PDE4D: variants seen among roughly 807,000 people sequenced by gnomAD.
PDE4D encodes phosphodiesterase 4D.
In PDE4D, 24 loss-of-function variants were observed where a neutral mutation model predicts 87.4. The observed-to-expected ratio is 0.27, with a 90% CI of 0.20 to 0.39. PDE4D has a LOEUF of 0.39. PDE4D is among the 10% of genes least tolerant of loss of function. PDE4D has a pLI of 1.00. For synonymous variants in PDE4D, 384 were observed against 383.2 expected, an observed-to-expected ratio of 1.00 and a Z score of -0.02; for missense variants, 714 against 1,041.0, an observed-to-expected ratio of 0.69 and a Z score of 4.32.
At chr5:59,131,016 G>C (rs752559937) in intron 5 of PDE4D, among the ~76,000 whole-genome samples, 2 of 152,194 alleles carry the variant, frequency 1.3e-5, no homozygotes, top group Non-Finnish European at 2.9e-5. Context: ...CTGTTAGCCT[G>C]AGGAAGGGGT....
At chr5:60,481,023 T>C (rs749940213) in intron 1 of PDE4D, among the ~76,000 whole-genome samples, 1 of 152,174 alleles carries the variant, frequency 6.6e-6, no homozygotes, top group Non-Finnish European at 1.5e-5. Flanking sequence ...CAGATAAATA[T>C]GAGAATGTGA....
intron 1 of PDE4D, among the ~76,000 whole-genome samples, chr5:59,551,285 T>C (rs1818069160): frequency 6.7e-6 from 1 of 149,378 alleles, no homozygotes; most frequent in Admixed American, 6.7e-5. Context: ...TAAAATTATA[T>C]ATTATATATT....
intron 1 of PDE4D, among the ~76,000 whole-genome samples, chr5:59,302,446 T>C (rs1345149359): frequency 1.3e-5 from 2 of 152,206 alleles, no homozygotes; most frequent in Non-Finnish European, 2.9e-5. Context: ...AGTTCTTTAG[T>C]GGTGATTTGT....
At chr5:59,201,812 A>G (rs1266656524) in intron 2 of PDE4D, among the ~76,000 whole-genome samples, 1 of 152,158 alleles carries the variant, frequency 6.6e-6, no homozygotes, top group African/African-American at 2.4e-5. Context: ...ATTTAACACA[A>G]AAACTTGTAT....
chr5:60,204,984 T>C (rs554446014), intron 1 of PDE4D, among the ~76,000 whole-genome samples: 4 of 152,296 alleles, frequency 2.6e-5, no homozygotes, highest in Non-Finnish European at 5.9e-5. Flanking sequence ...GTGTTAGCTA[T>C]CTTTATTATT....
chr5:60,363,023 G>T (rs1355095349), intron 1 of PDE4D, among the ~76,000 whole-genome samples: 1 of 152,116 alleles, frequency 6.6e-6, no homozygotes, highest in South Asian at 2.1e-4. Context: ...ATCACCGGTT[G>T]CTTATCACCT....
At chr5:60,015,937 G>A (rs1231142618) in intron 2 of PDE4D, among the ~76,000 whole-genome samples, 1 of 151,132 alleles carries the variant, frequency 6.6e-6, no homozygotes, top group African/African-American at 2.4e-5. Context: ...ACCCAGGCTG[G>A]AGTGCAGTGG....
intron 2 of PDE4D, among the ~76,000 whole-genome samples, chr5:59,194,634 G>A (rs1157126701): frequency 1.3e-5 from 2 of 152,118 alleles, no homozygotes; most frequent in Non-Finnish European, 2.9e-5. Context: ...CAATGTAAAG[G>A]AAGCATGTGT....
At chr5:59,501,720 A>T (rs1051203725) in intron 1 of PDE4D, among the ~76,000 whole-genome samples, 2 of 152,204 alleles carry the variant, frequency 1.3e-5, no homozygotes, top group African/African-American at 2.4e-5. Flanking sequence ...AAATCAGCAC[A>T]GTATGGTGAT....
chr5:60,051,972 C>A (rs1234215809), intron 2 of PDE4D, among the ~76,000 whole-genome samples: 1 of 152,124 alleles, frequency 6.6e-6, no homozygotes, highest in Non-Finnish European at 1.5e-5. Context: ...ACACATACAC[C>A]CTTTCAAGAC....
In PDE4D at chr5:59,354,932, A is replaced by C. The variant is rs184839017; in HGVS notation, c.456-138964T>G. Among the ~76,000 whole-genome samples the C allele has an allele frequency of 5.5e-3, 836 of 152,340 alleles. 5 individuals are homozygous for C. The highest frequency in any genetic ancestry group is 0.01 in the Middle Eastern group (3 of 294). On this transcript the variant is annotated intron_variant, in intron 1 of 14. Coordinates refer to ENST00000340635, the MANE Select transcript of PDE4D (RefSeq NM_001104631.2). ...AACAGTGAAAGCAGCACATATAAAAAAATTAATTATTCTGTGGGAAATTGT... is the reference window on the plus strand; with the variant it reads ...AACAGTGAAAGCAGCACATATAAAACAATTAATTATTCTGTGGGAAATTGT...
intron 1 of PDE4D, among the ~76,000 whole-genome samples, chr5:59,450,222 G>A (rs530894006): frequency 1.1e-4 from 17 of 152,318 alleles, no homozygotes; most frequent in South Asian, 8.3e-4. Context: ...TACACTTAGC[G>A]TGAAAGCAAA....
At chr5:59,470,563 G>C (rs1336707179) in intron 1 of PDE4D, among the ~76,000 whole-genome samples, 1 of 152,144 alleles carries the variant, frequency 6.6e-6, no homozygotes, top group Non-Finnish European at 1.5e-5. Flanking sequence ...CCATAAACCT[G>C]AGTTGACTAA....
chr5:60,328,907 A>G (rs146259865), intron 1 of PDE4D, among the ~76,000 whole-genome samples: 1 of 152,230 alleles, frequency 6.6e-6, no homozygotes, highest in East Asian at 1.9e-4. Flanking sequence ...GCCAGGAGAA[A>G]AGAAACATTC....
intron 1 of PDE4D, among the ~76,000 whole-genome samples, chr5:59,324,953 G>C (rs1179835526): frequency 1.3e-5 from 2 of 152,082 alleles, no homozygotes; most frequent in Admixed American, 1.3e-4. Context: ...GTAATTAATA[G>C]GGAAAACTTT....
intron 2 of PDE4D, among the ~76,000 whole-genome samples, chr5:60,079,876 T>C (rs1257975561): frequency 2.6e-5 from 4 of 152,208 alleles, no homozygotes; most frequent in Non-Finnish European, 4.4e-5. Context: ...TTTGAATCCA[T>C]ATGAAACTTA....
At chr5:59,769,926 G>GC (rs1561634067) in intron 1 of PDE4D, among the ~76,000 whole-genome samples, 1 of 151,536 alleles carries the variant, frequency 6.6e-6, no homozygotes, top group Non-Finnish European at 1.5e-5. Flanking sequence ...CTGTTTCCCT[G>GC]CCCCCCTGGT....
intron 8 of PDE4D, among the ~76,000 whole-genome samples, chr5:58,991,286 C>G (rs1203568796): frequency 2.4e-5 from 2 of 84,334 alleles, no homozygotes; most frequent in Non-Finnish European, 5.6e-5. Flanking sequence ...GAGACTATGT[C>G]TCAAAACAAA....
At chr5:59,840,947 A>C (rs961157469) in intron 1 of PDE4D, among the ~76,000 whole-genome samples, 2 of 152,084 alleles carry the variant, frequency 1.3e-5, no homozygotes, top group African/African-American at 4.8e-5. Flanking sequence ...CACTCAATGA[A>C]AGAATCAAAG....
Sources: allele counts gnomAD v4.1 joint callset (sites outside exome capture counted in the v4.1 genomes callset), GRCh38; gene constraint gnomAD v4.1.1; transcripts MANE v1.5; gene names NCBI Gene and HGNC (gene_info 2026-07-23, HGNC 2026-07-21).